The following WRAP53 variants were observed in gnomAD, a reference collection of about 807,000 sequenced individuals.
The protein encoded by WRAP53 is WD repeat containing antisense to TP53.
A neutral mutation model predicts 56.6 loss-of-function variants in WRAP53; 28 were observed. That is an observed-to-expected ratio of 0.50 (90% CI 0.37 to 0.68). The LOEUF (loss-of-function observed/expected upper bound fraction) is 0.68. WRAP53 is among the 30% of genes least tolerant of loss of function. The pLI is 0.00. For missense variants in WRAP53, 671 were observed against 715.5 expected, an observed-to-expected ratio of 0.94 and a Z score of 0.71; for synonymous variants, 283 against 283.4, an observed-to-expected ratio of 1.00 and a Z score of 0.01.
chr17:7,694,258 T>TC (rs1031094747), intron 4 of WRAP53, among the ~76,000 whole-genome samples: 1 of 148,772 alleles, frequency 6.7e-6, no homozygotes, highest in African/African-American at 2.5e-5. Flanking sequence ...TTTTTTTTTT[T>TC]TTTGAGACAG....
intron 5 of WRAP53, 149 bp downstream of exon 5, chr17:7,700,978 C>CTTT: frequency 1.6e-5 from 9 of 554,402 alleles, no homozygotes; most frequent in Non-Finnish European, 2.3e-5. Flanking sequence ...CCTCCCCTTC[C>CTTT]TTTTTTTTTT....
chr17:7,700,977 C>T (rs1213074026), intron 5 of WRAP53, 148 bp downstream of exon 5: 3 of 640,356 alleles, frequency 4.7e-6, no homozygotes, highest in Admixed American at 4.9e-5. Flanking sequence ...TCCTCCCCTT[C>T]CTTTTTTTTT....
At chr17:7,689,359 CG>C (rs780223030) in intron 3 of WRAP53, 37 bp downstream of exon 3, 60 of 1,600,834 alleles carry the variant, frequency 3.7e-5, no homozygotes, top group Non-Finnish European at 4.4e-5. Flanking sequence ...TGACCACCCC[CG>C]AGATTTTCAC....
chr17:7,690,625 A>G (rs1254049490), intron 4 of WRAP53, among the ~76,000 whole-genome samples: 1 of 152,150 alleles, frequency 6.6e-6, no homozygotes, highest in Non-Finnish European at 1.5e-5. Flanking sequence ...TTAAAAGACC[A>G]GAAAGGCCCT....
chr17:7,693,290 A>G (rs1459222657), intron 4 of WRAP53, among the ~76,000 whole-genome samples: 2 of 151,922 alleles, frequency 1.3e-5, no homozygotes, highest in East Asian at 1.9e-4. Flanking sequence ...TTAATTTGAA[A>G]TGAGACCAGT....
chr17:7,688,540 C>T lies in WRAP53; in HGVS notation c.-23C>T. ...CCTCCCGGGAGTCTTCTGCCTACTC[C>T]CAGAAGAGGAGGGAAGCACAGGTGG... On this transcript the variant is annotated 5_prime_UTR_variant, in exon 1 of 11. Transcript: ENST00000396463. 2 of 1,237,308 alleles carry T rather than the reference C, an allele frequency of 1.6e-6. No individual in the cohort carries two copies. The highest frequency in any genetic ancestry group is 1.3e-5 in the South Asian group (1 of 74,382). The allele number at this position is 1,237,308 out of a possible 1,614,324, so 76.6% of individuals were successfully genotyped here. A position where few individuals can be genotyped will look rare whatever the true frequency, so the allele number is the denominator to read the frequency against.
chr17:7,693,553 T>C (rs1009687041), intron 4 of WRAP53, among the ~76,000 whole-genome samples: 3 of 151,960 alleles, frequency 2.0e-5, no homozygotes, highest in Non-Finnish European at 4.4e-5. Context: ...ACCCTGTCTT[T>C]ACTAAAAATA....
rs777519727 is a variant in WRAP53 at position 7,701,851 on chromosome 17, C to CT, written c.955+66dup. On this transcript the variant is annotated intron_variant, in intron 7 of 10. Coordinates refer to ENST00000396463, the MANE Select transcript of WRAP53 (RefSeq NM_001143992.2). This position sits in a 1 kb window ranked among gnomAD's most constrained non-coding sequence, Gnocchi z 4.2. ...AGGGCACTGCCACCTGCACAGGGGC[C>CT]TTTTGTGAGCCGGGGGCCACCTGTG... 7.6e-6 allele frequency: 12 copies of CT among 1,578,160 alleles called. No individual in the cohort carries two copies. Among genetic ancestry groups the CT allele is most frequent in the Non-Finnish European group, 1.0e-5 (12 of 1,162,746 alleles).
chr17:7,699,506 A>ATATATATT (rs2074242311), intron 4 of WRAP53, among the ~76,000 whole-genome samples: 2 of 22,958 alleles, frequency 8.7e-5, no homozygotes, highest in Non-Finnish European at 1.4e-4. Context: ...ATATATTTAT[A>ATATATATT]TATATATATA....
At chr17:7,687,470 C>T (rs1406382382), upstream of WRAP53, 2 of 398,678 alleles carry the variant, frequency 5.0e-6, no homozygotes, top group Non-Finnish European at 4.4e-6. Context: ...GCTCCCTGGA[C>T]GGTGGCTCTA....
At position 7,699,506 on chromosome 17, in the gene WRAP53, A is replaced by ATT. The variant is rs2074242125; in HGVS notation, c.643-1234_643-1233insTT. 5.7e-4 allele frequency among the ~76,000 whole-genome samples: 13 copies of ATT among 22,952 alleles called. 1 individual carries two copies. The highest frequency in any genetic ancestry group is 9.0e-4 in the Non-Finnish European group (13 of 14,430). 15.1% of individuals were successfully genotyped at this position (22,952 alleles called of 152,430 possible). On this transcript the variant is annotated intron_variant, in intron 4 of 10. Transcript: ENST00000396463. ...TATATATATATATATATATATTTATATATATATATATATATTTATATATAT... is the reference window on the plus strand; with the variant it reads ...TATATATATATATATATATATTTATATTTATATATATATATATTTATATATAT...
chr17:7,687,950 A>G (rs2074036720), upstream of WRAP53: 5 of 219,804 alleles, frequency 2.3e-5, no homozygotes, highest in Middle Eastern at 2.8e-3. Flanking sequence ...CTCCTTCACA[A>G]CCCTTATCAC....
chr17:7,703,498 T>G lies in WRAP53; in HGVS notation c.*12T>G, dbSNP rs1331905649. On this transcript the variant is annotated 3_prime_UTR_variant, in exon 11 of 11. Transcript: ENST00000396463. ...GTGAGCTGATATAAAAAGGTTTTTA[T>G]GATACTAGAGTCTTCGTGTCTGTTT... 6.3e-7 allele frequency: 1 copy of G among 1,580,692 alleles called. No individual in the cohort carries two copies. The highest frequency in any genetic ancestry group is 1.1e-5 in the South Asian group (1 of 90,452).
rs1567577610 is a variant in WRAP53, at chr17:7,699,510, ATATATATATATTTAT to A, written c.643-1230_643-1216del. 4.6e-4 allele frequency among the ~76,000 whole-genome samples: 12 copies of A among 26,254 alleles called. 1 individual carries two copies. The highest frequency in any genetic ancestry group is 2.7e-3 in the African/African-American group (12 of 4,406). The allele number at this position is 26,254 out of a possible 152,430, so 17.2% of individuals were successfully genotyped here. On this transcript the variant is annotated intron_variant, in intron 4 of 10. Transcript: ENST00000396463. ...TATATATATATATATATTTATATAT[ATATATATATATTTAT>A]ATATATATATATATTCCTAAGGAAA...
intron 4 of WRAP53, among the ~76,000 whole-genome samples, chr17:7,694,906 C>T (rs2074162211): frequency 6.7e-6 from 1 of 149,164 alleles, no homozygotes; most frequent in Non-Finnish European, 1.5e-5. Flanking sequence ...CAACCTCTCT[C>T]ATTAGGTATT....
chr17:7,693,347 C>A (rs961379317), intron 4 of WRAP53, among the ~76,000 whole-genome samples: 1 of 152,058 alleles, frequency 6.6e-6, no homozygotes, highest in African/African-American at 2.4e-5. Flanking sequence ...ACTATAGTTT[C>A]TCTGTTTGTA....
intron 4 of WRAP53, among the ~76,000 whole-genome samples, chr17:7,690,015 C>T (rs1051640257): frequency 6.6e-6 from 1 of 151,754 alleles, no homozygotes; most frequent in African/African-American, 2.4e-5. Context: ...GTGGTGTGAT[C>T]TCGGCTCACT....
At position 7,701,064 on chromosome 17, in the gene WRAP53, C is replaced by T. The variant is rs2074267091; in HGVS notation, c.731+235C>T. Among the ~76,000 whole-genome samples the T allele has an allele frequency of 6.6e-6, 1 of 152,060 alleles. No individual in the cohort carries two copies. The highest frequency in any genetic ancestry group is 2.1e-4 in the South Asian group (1 of 4,822). ...CTCAGCTCACTGCAACCTCCGCCTC[C>T]CAGGTTGAAGTGATTCTCCTGCCTC... is the stretch of plus-strand genomic sequence containing the variant. On this transcript the variant is annotated intron_variant, in intron 5 of 10. Transcript: ENST00000396463. The surrounding 1 kb of genome is among the most constrained non-coding windows in gnomAD (Gnocchi z 4.2).
chr17:7,699,462 A>T (rs1457319328), intron 4 of WRAP53, among the ~76,000 whole-genome samples: 3 of 18,616 alleles, frequency 1.6e-4, no homozygotes, highest in African/African-American at 1.3e-3. Flanking sequence ...ATATATTTAT[A>T]TATATATATA....
Sources: allele counts gnomAD v4.1 joint callset (sites outside exome capture counted in the v4.1 genomes callset), GRCh38; gene constraint gnomAD v4.1.1; non-coding constraint Gnocchi (gnomAD v3.1); transcripts MANE v1.5; gene names NCBI Gene and HGNC (gene_info 2026-07-23, HGNC 2026-07-21).